ANGEL1: variants seen among roughly 807,000 people sequenced by gnomAD.
ANGEL1 encodes the protein RNA 2',3'-cyclic phosphatase ANGEL1.
Under a neutral mutation model 76.4 loss-of-function variants are expected in ANGEL1, and 62 were observed. That is an observed-to-expected ratio of 0.81 (90% CI 0.66 to 1.00). The LOEUF (loss-of-function observed/expected upper bound fraction) is 1.00. ANGEL1 is among the 50% of genes least tolerant of loss of function. ANGEL1 has a pLI of 0.00. For synonymous variants in ANGEL1, 340 were observed against 331.7 expected (o/e 1.03, Z -0.27); for missense variants, 737 against 836.7 (o/e 0.88, Z 1.47).
intron 7 of ANGEL1, among the ~76,000 whole-genome samples, chr14:76,798,817 G>T (rs375555571): frequency 6.6e-6 from 1 of 151,736 alleles, no homozygotes; most frequent in African/African-American, 2.4e-5. Context: ...GCATGGTGTC[G>T]CATGTCTGTA....
At chr14:76,798,763 C>T (rs766161379) in intron 7 of ANGEL1, among the ~76,000 whole-genome samples, 6 of 151,944 alleles carry the variant, frequency 3.9e-5, no homozygotes, top group Non-Finnish European at 7.4e-5. Flanking sequence ...GCCTGGCCAA[C>T]GTGGTGAAAC....
intron 7 of ANGEL1, among the ~76,000 whole-genome samples, chr14:76,797,659 G>C (rs1322442389): frequency 6.6e-6 from 1 of 152,200 alleles, no homozygotes; most frequent in African/African-American, 2.4e-5. Context: ...GTGTGAAAGA[G>C]AACTGACCAG....
intron 5 of ANGEL1, among the ~76,000 whole-genome samples, chr14:76,804,996 C>T (rs1013391369): frequency 6.0e-5 from 9 of 149,840 alleles, no homozygotes; most frequent in Admixed American, 1.3e-4. Context: ...GGCAACAGAG[C>T]GAGACTCTGT....
At chr14:76,812,220 C>T (rs1212674433) in intron 1 of ANGEL1, 12 of 984,714 alleles carry the variant, frequency 1.2e-5, no homozygotes, top group African/African-American at 1.7e-5. Flanking sequence ...CTAAATGTGT[C>T]TCTGATTGAA....
intron 2 of ANGEL1, among the ~76,000 whole-genome samples, chr14:76,808,418 T>A (rs1480804127): frequency 6.6e-6 from 1 of 152,066 alleles, no homozygotes; most frequent in Non-Finnish European, 1.5e-5. Flanking sequence ...GCTGACACAC[T>A]CTCATTTTTG....
chr14:76,811,764 TAAC>T (rs79199875), intron 1 of ANGEL1, among the ~76,000 whole-genome samples: 2,414 of 152,288 alleles, frequency 0.016, 30 homozygotes, highest in Middle Eastern at 0.037. Context: ...AGCAATGTGT[TAAC>T]ACCAGAGATA....
At chr14:76,807,696 A>C (rs1211908499) in intron 3 of ANGEL1, among the ~76,000 whole-genome samples, 194 bp from the exon 4 acceptor site, 2 of 152,156 alleles carry the variant, frequency 1.3e-5, no homozygotes, top group Non-Finnish European at 2.9e-5. Flanking sequence ...TGCTCCTTGA[A>C]TCCCTCAAGC....
At chr14:76,800,839 G>A (rs576229536) in intron 7 of ANGEL1, among the ~76,000 whole-genome samples, 5 of 152,176 alleles carry the variant, frequency 3.3e-5, no homozygotes, top group East Asian at 3.9e-4. Context: ...CGTGCATGCT[G>A]GCGCATGCCC....
chr14:76,790,768 T>C lies in ANGEL1; in HGVS notation c.1695A>G (p.Val565=). 3.8e-6 allele frequency: 6 copies of C among 1,595,210 alleles called. No homozygotes were observed. The highest frequency in any genetic ancestry group is 5.1e-6 in the Non-Finnish European group (6 of 1,171,166). ...SELEPAFSRT[V]GTIQHCLHLT... is the part of the protein sequence containing the mutation. ...GGTGGAGGCAGTGCTGGATGGTACC[T>C]ACAGTCCTACAGGGATGAAGGGGGA... Residue 565 remains valine, a synonymous_variant, in exon 9 of 10, where the codon GTA becomes GTG. Transcript: ENST00000251089.
At chr14:76,809,032 G>A in intron 2 of ANGEL1, 27 bp downstream of exon 2, 3 of 1,579,816 alleles carry the variant, frequency 1.9e-6, no homozygotes, top group Non-Finnish European at 2.6e-6. Context: ...TGTTCCCTTG[G>A]CTCACTCAAC....
chr14:76,794,608 T>C (rs1002134503), intron 7 of ANGEL1, among the ~76,000 whole-genome samples: 5 of 151,246 alleles, frequency 3.3e-5, no homozygotes, highest in African/African-American at 2.4e-5. Context: ...GAGGCAGAGG[T>C]TGCAGTGAGC....
chr14:76,811,092 A>G (rs1194869570), intron 1 of ANGEL1, among the ~76,000 whole-genome samples: 1 of 152,224 alleles, frequency 6.6e-6, no homozygotes, highest in African/African-American at 2.4e-5. Flanking sequence ...ACATTTAGCA[A>G]CGTTCAGAGA....
In ANGEL1 at chr14:76,789,001, A is replaced by AGT. The variant is rs1595290487; in HGVS notation, c.*225_*226dup. ...CCTTCTGCCTCTCCCAGGGCCACTG[A>AGT]GTGTGTGGCACAGGATTAGGAAGAG... is the stretch of plus-strand genomic sequence containing the variant. On this transcript the variant is annotated 3_prime_UTR_variant, in exon 10 of 10. Transcript: ENST00000251089. 1.0e-4 allele frequency: 53 copies of AGT among 519,338 alleles called. No homozygotes were observed. The East Asian group carries it at 1.8e-3, about 17-fold the overall frequency. The allele number at this position is 519,338 out of a possible 1,614,324, so 32.2% of individuals were successfully genotyped here. A position where few individuals can be genotyped will look rare whatever the true frequency, so the allele number is the denominator to read the frequency against.
chr14:76,799,278 C>CTTTTTTTTTTTTTTTTTTTTTTTTTT (rs71122579), intron 7 of ANGEL1, among the ~76,000 whole-genome samples: 1 of 52,342 alleles, frequency 1.9e-5, no homozygotes, highest in Non-Finnish European at 3.2e-5. Flanking sequence ...TCATGGCCTC[C>CTTTTTTTTTTTTTTTTTTTTTTTTTT]TTTTTTTTTT....
chr14:76,812,779 A>C lies in ANGEL1; in HGVS notation c.49T>G (p.Phe17Val), dbSNP rs2140235443. Residue 17 changes from phenylalanine to valine, a missense_variant, in exon 1 of 10, where the codon TTC (phenylalanine) becomes GTC (valine). Transcript: ENST00000251089. ...CYLLLPATRL[F>V]RALSDAFFTC... The stretch of plus-strand genomic sequence containing the variant: ...TGGCCGGTACCTGAGAGGGCGCGGA[A>C]GAGGCGCGTGGCCGGCAGCAGCAGG... 7.9e-6 allele frequency: 12 copies of C among 1,522,916 alleles called. No homozygotes were observed. In the East Asian group the frequency reaches 3.1e-4, roughly 39 times the overall value. 94.3% of individuals were successfully genotyped at this position (1,522,916 alleles called of 1,614,324 possible).
At chr14:76,794,132 G>A (rs1894503146) in intron 7 of ANGEL1, among the ~76,000 whole-genome samples, 1 of 152,158 alleles carries the variant, frequency 6.6e-6, no homozygotes, top group Admixed American at 6.5e-5. Flanking sequence ...TTGACAAGGG[G>A]AGAAGTAAAT....
chr14:76,800,917 G>GAGGCAC (rs1163286350), intron 7 of ANGEL1, among the ~76,000 whole-genome samples: 1 of 151,800 alleles, frequency 6.6e-6, no homozygotes, highest in African/African-American at 2.4e-5. Context: ...ATGTTGCAGT[G>GAGGCAC]AGGCACGATC....
chr14:76,795,743 A>G (rs1236320902), intron 7 of ANGEL1, among the ~76,000 whole-genome samples: 3 of 152,222 alleles, frequency 2.0e-5, no homozygotes, highest in African/African-American at 7.2e-5. Context: ...TTTATATGCC[A>G]TCCAAATTTT....
intron 7 of ANGEL1, among the ~76,000 whole-genome samples, chr14:76,794,581 G>T (rs1894519420): frequency 6.6e-6 from 1 of 150,694 alleles, no homozygotes; most frequent in Admixed American, 6.6e-5. Context: ...TGAGGCAGAA[G>T]AATCGCTTGA....
Sources: gnomAD v4.1 joint callset for allele counts (sites outside exome capture counted in the v4.1 genomes callset) on GRCh38, gnomAD v4.1.1 for gene constraint, MANE v1.5 for transcripts, NCBI Gene and HGNC (gene_info 2026-07-23, HGNC 2026-07-21) for gene names.